The following AP1S2 variants were observed in gnomAD, a reference collection of about 807,000 sequenced individuals.
AP1S2 encodes adaptor related protein complex 1 subunit sigma 2, also known as AP-1 complex subunit sigma-2.
AP1S2 carries 1 observed loss-of-function variant against 14.3 expected under a neutral mutation model. The ratio of observed to expected loss-of-function variants is 0.07; its 90% CI spans 0.02 to 0.33. The LOEUF (loss-of-function observed/expected upper bound fraction) is 0.33. Among genes scored for constraint, AP1S2 ranks in the 10% least tolerant of loss-of-function variants. The pLI, the probability that AP1S2 is intolerant of heterozygous loss-of-function variation, is 0.99. For missense variants in AP1S2, 30 were observed against 117.7 expected (o/e 0.25, Z 3.45); for synonymous variants, 30 against 40.5 (o/e 0.74, Z 0.99).
chrX:15,852,884 A>T, intron 1 of AP1S2: 1 of 749,474 alleles, frequency 1.3e-6, no homozygotes, highest in Non-Finnish European at 1.6e-6. Flanking sequence ...TATATGCATC[A>T]AAAGAGAATG....
At chrX:15,846,168 C>T (rs1933994335) in intron 2 of AP1S2, among the ~76,000 whole-genome samples, 157 bp from the exon 3 acceptor site, 1 of 111,767 alleles carries the variant, frequency 8.9e-6, no homozygotes, top group Admixed American at 9.5e-5. Context: ...AAGTAATAAA[C>T]GCATAACAGA....
In AP1S2 at chrX:15,854,672, G is replaced by C. The variant is rs1426372265; in HGVS notation, c.-1+16C>G. On this transcript the variant is annotated intron_variant, in intron 1 of 5. Coordinates refer to ENST00000672987, the MANE Select transcript of AP1S2 (RefSeq NM_001272071.2). ...TCCCCCATCCCCGGCGCCCCCTTTC[G>C]CCCCCAGGGACTTACGGCGGCCGCG... The C allele has an allele frequency of 1.7e-5, 12 of 688,589 alleles. No individual in the cohort carries two copies. The highest frequency in any genetic ancestry group is 2.1e-5 in the Non-Finnish European group (12 of 577,846). 56.7% of individuals were successfully genotyped at this position (688,589 alleles called of 1,213,427 possible).
At chrX:15,850,367 T>C (rs147715616) in intron 2 of AP1S2, among the ~76,000 whole-genome samples, 120 of 110,598 alleles carry the variant, frequency 1.1e-3, no homozygotes, top group African/African-American at 3.3e-3. Flanking sequence ...GCTTTGTTGT[T>C]GTCGTTGAGG....
At chrX:15,854,246 GGGTCCGGCCGTCGCC>G (rs768714374) in intron 1 of AP1S2, among the ~76,000 whole-genome samples, 1 of 110,567 alleles carries the variant, frequency 9.0e-6, no homozygotes, top group African/African-American at 3.3e-5. Flanking sequence ...AGCGTTCCTC[GGGTCCGGCCGTCGCC>G]GGTGCCTCCC....
intron 2 of AP1S2, among the ~76,000 whole-genome samples, chrX:15,846,425 G>A (rs1426307445): frequency 8.9e-6 from 1 of 111,786 alleles, no homozygotes; most frequent in Non-Finnish European, 1.9e-5. Flanking sequence ...ATGCCAAGGT[G>A]AGGTCAATAT....
chrX:15,840,628 C>T, intron 4 of AP1S2: 1 of 809,489 alleles, frequency 1.2e-6, no homozygotes, highest in Non-Finnish European at 1.7e-6. Flanking sequence ...CTGGTAAGTG[C>T]TTGACTTTAC....
At chrX:15,838,818 G>C (rs111706264) in intron 4 of AP1S2, among the ~76,000 whole-genome samples, 1,749 of 111,052 alleles carry the variant, frequency 0.016, 31 homozygotes, top group African/African-American at 0.052. Context: ...CCTGATTTCG[G>C]ATCACTGCAG....
chrX:15,854,705 G>A lies in AP1S2; in HGVS notation c.-18C>T, dbSNP rs1308496155. On this transcript the variant is annotated 5_prime_UTR_variant, in exon 1 of 6. Transcript: ENST00000672987. The stretch of plus-strand genomic sequence containing the variant: ...GGACTTACGGCGGCCGCGGGCCGCG[G>A]GCGCGGCGGAGCTTGGCCGGCGGCG... 1.1e-4 allele frequency: 83 copies of A among 779,261 alleles called. No homozygotes were observed. Among genetic ancestry groups the A allele is most frequent in the Non-Finnish European group, 1.2e-4 (77 of 656,333 alleles). The allele number at this position is 779,261 out of a possible 1,213,427, so 64.2% of individuals were successfully genotyped here. A position where few individuals can be genotyped will look rare whatever the true frequency, so the allele number is the denominator to read the frequency against.
At chrX:15,840,542 C>T (rs1002613901) in intron 4 of AP1S2, 1 of 981,037 alleles carries the variant, frequency 1.0e-6, no homozygotes, top group East Asian at 7.5e-5. Context: ...TTAGACTGCT[C>T]TTTATCATAA....
intron 2 of AP1S2, among the ~76,000 whole-genome samples, chrX:15,849,959 T>A (rs753935383): frequency 8.9e-6 from 1 of 112,012 alleles, no homozygotes; most frequent in African/African-American, 3.3e-5. Flanking sequence ...TCGAGAGTTC[T>A]ATCTCCACTA....
chrX:15,843,028 A>G (rs1481945237), intron 4 of AP1S2, among the ~76,000 whole-genome samples: 1 of 108,974 alleles, frequency 9.2e-6, no homozygotes, highest in African/African-American at 3.3e-5. Context: ...CCATCTCAAA[A>G]AAAAAAAAAA....
chrX:15,829,801 G>A (rs115634760), intron 4 of AP1S2, among the ~76,000 whole-genome samples: 3,598 of 111,128 alleles, frequency 0.032, 139 homozygotes, highest in African/African-American at 0.11. Flanking sequence ...CTGGGGGACA[G>A]GGAGAAATGG....
chrX:15,840,499 A>G, intron 4 of AP1S2: 1 of 957,823 alleles, frequency 1.0e-6, no homozygotes, highest in Non-Finnish European at 1.4e-6. Context: ...GTAGTTACCA[A>G]TAAATAAGTT....
chrX:15,832,856 A>G, intron 4 of AP1S2: 1 of 988,150 alleles, frequency 1.0e-6, no homozygotes, highest in Non-Finnish European at 1.3e-6. Context: ...AGGTAATGCT[A>G]AAATATAAAT....
intron 2 of AP1S2, among the ~76,000 whole-genome samples, chrX:15,848,515 G>C (rs766049012): frequency 3.4e-4 from 38 of 111,806 alleles, no homozygotes; most frequent in Middle Eastern, 4.6e-3. Flanking sequence ...AATATTTTAA[G>C]AGCTTTGAAG....
chrX:15,835,761 C>A (rs1933614235), intron 4 of AP1S2, among the ~76,000 whole-genome samples: 1 of 110,988 alleles, frequency 9.0e-6, no homozygotes, highest in East Asian at 2.8e-4. Flanking sequence ...ACGATGTATA[C>A]TCTTTCATTC....
chrX:15,840,460 T>A (rs1227849675), intron 4 of AP1S2: 3 of 801,988 alleles, frequency 3.7e-6, no homozygotes, highest in Admixed American at 3.4e-5. Flanking sequence ...GCACTCCATT[T>A]TATCCATGCC....
intron 4 of AP1S2, among the ~76,000 whole-genome samples, chrX:15,837,040 G>A (rs1008202025): frequency 8.9e-6 from 1 of 111,926 alleles, no homozygotes; most frequent in African/African-American, 3.2e-5. Context: ...CGGGATTATG[G>A]AAGTGTGCCA....
At chrX:15,853,629 T>C (rs899071780) in intron 1 of AP1S2, among the ~76,000 whole-genome samples, 5 of 112,111 alleles carry the variant, frequency 4.5e-5, no homozygotes, top group Non-Finnish European at 1.9e-5. Flanking sequence ...AGAACCAATG[T>C]AGAATAAAAA....
Sources: gnomAD v4.1 joint callset for allele counts (sites outside exome capture counted in the v4.1 genomes callset) on GRCh38, gnomAD v4.1.1 for gene constraint, MANE v1.5 for transcripts, NCBI Gene and HGNC (gene_info 2026-07-23, HGNC 2026-07-21) for gene names.